NAV2: variants seen among roughly 807,000 people sequenced by gnomAD.
NAV2 encodes helicase, APC down-regulated 1.
Under a neutral mutation model 223.2 loss-of-function variants are expected in NAV2, and 54 were observed. That is an observed-to-expected ratio of 0.24 (90% CI 0.19 to 0.30). The LOEUF is 0.30. NAV2 is among the 10% of genes least tolerant of loss of function. NAV2 has a pLI of 1.00. For synonymous variants in NAV2, 1,279 were observed against 1,239.3 expected, an observed-to-expected ratio of 1.03 and a Z score of -0.67; for missense variants, 2,806 against 3,147.5, an observed-to-expected ratio of 0.89 and a Z score of 2.60.
chr11:19,975,935 G>A (rs2049691554), intron 10 of NAV2, among the ~76,000 whole-genome samples: 1 of 106,574 alleles, frequency 9.4e-6, no homozygotes, highest in African/African-American at 2.6e-5. Context: ...AGGTTAATAA[G>A]AAAGTTTAGG....
intron 5 of NAV2, chr11:19,884,286 T>C: frequency 6.2e-7 from 1 of 1,611,064 alleles, no homozygotes; most frequent in Non-Finnish European, 8.5e-7. Context: ...TTCTTTCCTA[T>C]CATGCAGTGC....
At chr11:19,890,506 G>A (rs1002891479) in intron 5 of NAV2, among the ~76,000 whole-genome samples, 1 of 152,064 alleles carries the variant, frequency 6.6e-6, no homozygotes, top group Non-Finnish European at 1.5e-5. Flanking sequence ...GTAGAATACT[G>A]TGACCTGCGT....
chr11:19,969,099 C>T (rs1301183466), intron 10 of NAV2, among the ~76,000 whole-genome samples: 2 of 152,224 alleles, frequency 1.3e-5, no homozygotes, highest in African/African-American at 4.8e-5. Context: ...ACCTGTGGTA[C>T]TGTCCTGACC....
chr11:19,581,247 A>C (rs2045708234), intron 1 of NAV2, among the ~76,000 whole-genome samples: 1 of 152,170 alleles, frequency 6.6e-6, no homozygotes, highest in African/African-American at 2.4e-5. Flanking sequence ...TATTCTTAGC[A>C]TAAGTTCTTG....
chr11:19,828,447 CT>C (rs1565386372), intron 1 of NAV2, among the ~76,000 whole-genome samples: 1 of 141,498 alleles, frequency 7.1e-6, no homozygotes, highest in African/African-American at 2.6e-5. Context: ...CAATATTGTC[CT>C]TTTGTATCTG....
intron 1 of NAV2, among the ~76,000 whole-genome samples, chr11:19,667,263 T>C (rs7350468): frequency 0.72 from 110,227 of 152,260 alleles, 45,378 homozygotes; most frequent in Non-Finnish European, 0.91. Context: ...TGCCTGCTCT[T>C]TGCTAGATCC....
chr11:19,497,102 C>T (rs113158515), intron 1 of NAV2, among the ~76,000 whole-genome samples: 91 of 152,308 alleles, frequency 6.0e-4, no homozygotes, highest in African/African-American at 1.9e-3. Flanking sequence ...TTCCAAAGTG[C>T]AGAAGTTAAG....
chr11:20,050,556 A>T (rs555098782), intron 16 of NAV2, among the ~76,000 whole-genome samples: 51 of 147,138 alleles, frequency 3.5e-4, no homozygotes, highest in Middle Eastern at 7.0e-3. Context: ...TAACAAACAG[A>T]TGTTGTCTCC....
intron 1 of NAV2, among the ~76,000 whole-genome samples, chr11:19,393,322 A>G (rs925309357): frequency 3.3e-5 from 5 of 152,222 alleles, no homozygotes; most frequent in African/African-American, 1.2e-4. Context: ...CCTATATGCC[A>G]TTGAGCCCAG....
intron 1 of NAV2, among the ~76,000 whole-genome samples, chr11:19,539,228 G>T (rs1407739349): frequency 6.6e-6 from 1 of 152,194 alleles, no homozygotes; most frequent in African/African-American, 2.4e-5. Flanking sequence ...TTTCCAAGGG[G>T]TGTGCAGGCA....
chr11:19,424,221 G>A (rs1198404084), intron 1 of NAV2, among the ~76,000 whole-genome samples: 1 of 152,130 alleles, frequency 6.6e-6, no homozygotes, highest in Non-Finnish European at 1.5e-5. Context: ...CTTTCTGCAC[G>A]GTGGCTAATA....
intron 4 of NAV2, among the ~76,000 whole-genome samples, 166 bp downstream of exon 4, chr11:19,869,163 G>A (rs747753493): frequency 2.2e-4 from 33 of 152,126 alleles, no homozygotes; most frequent in Non-Finnish European, 4.7e-4. Context: ...GGATGCCAAG[G>A]ACTCACTCCA....
intron 1 of NAV2, among the ~76,000 whole-genome samples, chr11:19,554,902 G>T (rs1297202258): frequency 6.6e-6 from 1 of 150,796 alleles, no homozygotes; most frequent in Non-Finnish European, 1.5e-5. Flanking sequence ...AGCTGAGATC[G>T]CGTCATTGCA....
chr11:19,581,086 A>G (rs1175972521), intron 1 of NAV2, among the ~76,000 whole-genome samples: 5 of 152,126 alleles, frequency 3.3e-5, no homozygotes. Flanking sequence ...ATGTCTGTTC[A>G]TGTCTTTTAC....
chr11:19,916,896 G>A lies in NAV2; in HGVS notation c.932-16280G>A, dbSNP rs1300893006. Among the ~76,000 whole-genome samples, 4 of 152,254 alleles carry A rather than the reference G, an allele frequency of 2.6e-5. No individual in the cohort carries two copies. In the East Asian group the frequency reaches 7.7e-4, roughly 29 times the overall value. ...TGAGTTAAGTCTGTAGCAGGCTACT[G>A]ATAAGTACAGAGGGCCAAAATCTGT... On this transcript the variant is annotated intron_variant, in intron 6 of 37. Transcript: ENST00000349880.
intron 3 of NAV2, among the ~76,000 whole-genome samples, chr11:19,865,915 T>C (rs1169587308): frequency 6.6e-6 from 1 of 152,212 alleles, no homozygotes; most frequent in Non-Finnish European, 1.5e-5. Context: ...AATCGCACTG[T>C]GGACCCTAGA....
intron 10 of NAV2, among the ~76,000 whole-genome samples, chr11:19,974,753 C>T (rs915000915): frequency 6.6e-6 from 1 of 152,182 alleles, no homozygotes; most frequent in Admixed American, 6.5e-5. Flanking sequence ...CAAAGCAAGA[C>T]CCTGTTTCTA....
chr11:19,818,231 ATTTTTTTTTTTTTTTTTTT>A (rs34649376), intron 1 of NAV2, among the ~76,000 whole-genome samples: 5 of 56,022 alleles, frequency 8.9e-5, no homozygotes, highest in Admixed American at 5.3e-4. Context: ...GTATTTAGTG[ATTTTTTTTTTTTTTTTTTT>A]TTTTTTTTTT....
At chr11:19,442,258 G>C (rs1017037405) in intron 1 of NAV2, among the ~76,000 whole-genome samples, 3 of 152,254 alleles carry the variant, frequency 2.0e-5, no homozygotes, top group African/African-American at 7.2e-5. Flanking sequence ...TTGAGGAAAG[G>C]GGGCTGGCCT....
Sources: gnomAD v4.1 joint callset for allele counts (sites outside exome capture counted in the v4.1 genomes callset) on GRCh38, gnomAD v4.1.1 for gene constraint, MANE v1.5 for transcripts, NCBI Gene and HGNC (gene_info 2026-07-23, HGNC 2026-07-21) for gene names.